PLCB4: variants seen among roughly 807,000 people sequenced by gnomAD.
The protein encoded by PLCB4 is 1-phosphatidylinositol 4,5-bisphosphate phosphodiesterase beta-4.
In PLCB4, 77 loss-of-function variants were observed where a neutral mutation model predicts 178.8. That is an observed-to-expected ratio of 0.43 (90% CI 0.36 to 0.52). The LOEUF (loss-of-function observed/expected upper bound fraction) is 0.52. Ranked by LOEUF, PLCB4 falls within the 20% of genes least tolerant of loss-of-function variation. PLCB4 has a pLI of 0.00. For synonymous variants in PLCB4, 496 were observed against 490.8 expected (o/e 1.01, Z -0.14); for missense variants, 1,024 against 1,453.4 (o/e 0.70, Z 4.80).
intron 2 of PLCB4, among the ~76,000 whole-genome samples, chr20:9,194,139 A>C (rs2093439477): frequency 6.6e-6 from 1 of 152,250 alleles, no homozygotes; most frequent in African/African-American, 2.4e-5. Context: ...AAATAATAGG[A>C]AGTGAAATAT....
chr20:9,072,036 T>C (rs1050459021), intron 1 of PLCB4, among the ~76,000 whole-genome samples: 3 of 152,256 alleles, frequency 2.0e-5, no homozygotes, highest in Non-Finnish European at 4.4e-5. Flanking sequence ...TATGTCCAGA[T>C]TGAAGTTTTT....
At chr20:9,340,993 A>G (rs955531429) in intron 7 of PLCB4, among the ~76,000 whole-genome samples, 7 of 152,140 alleles carry the variant, frequency 4.6e-5, no homozygotes, top group African/African-American at 1.7e-4. Context: ...GATGAGAAAA[A>G]TGAAGCTAGA....
intron 1 of PLCB4, among the ~76,000 whole-genome samples, chr20:9,095,410 G>C (rs1423334276): frequency 6.6e-6 from 1 of 152,128 alleles, no homozygotes; most frequent in Non-Finnish European, 1.5e-5. Flanking sequence ...TTAAATTACA[G>C]ACGGAACCAA....
rs563924941 is a variant in PLCB4 at position 9,149,478 on chromosome 20, T to C, written c.-79+53136T>C. 2.6e-5 allele frequency among the ~76,000 whole-genome samples: 4 copies of C among 152,332 alleles called. No individual in the cohort carries two copies. In the East Asian group the frequency reaches 7.7e-4, roughly 29 times the overall value. On this transcript the variant is annotated intron_variant, in intron 2 of 39. Coordinates refer to ENST00000378473, the MANE Select transcript of PLCB4 (RefSeq NM_001377142.1). ...GTTGACTTTGACTAATAACGATTTA[T>C]TGAATTTGCCTTCTCTTGCAACCCT...
intron 9 of PLCB4, among the ~76,000 whole-genome samples, 194 bp downstream of exon 9, chr20:9,365,708 T>G (rs2035718641): frequency 6.6e-6 from 1 of 152,244 alleles, no homozygotes; most frequent in Admixed American, 6.5e-5. Context: ...TGCATTTTTT[T>G]GGTCAAAATA....
chr20:9,160,752 T>C (rs770287621), intron 2 of PLCB4, among the ~76,000 whole-genome samples: 5 of 152,142 alleles, frequency 3.3e-5, no homozygotes, highest in Non-Finnish European at 7.4e-5. Flanking sequence ...TGCAAGGGCA[T>C]AGAAAAGGGA....
chr20:9,105,015 T>G (rs1187619362), intron 2 of PLCB4, among the ~76,000 whole-genome samples: 6 of 151,970 alleles, frequency 3.9e-5, no homozygotes, highest in Admixed American at 3.3e-4. Context: ...TCTGATATCT[T>G]GAGATATATG....
intron 2 of PLCB4, among the ~76,000 whole-genome samples, chr20:9,109,853 A>T (rs1400760885): frequency 1.3e-5 from 2 of 152,128 alleles, no homozygotes; most frequent in African/African-American, 4.8e-5. Context: ...TCTTCTGGAA[A>T]TTGTCATCTG....
At chr20:9,406,074 A>G (rs767565109) in intron 21 of PLCB4, among the ~76,000 whole-genome samples, 1 of 152,216 alleles carries the variant, frequency 6.6e-6, no homozygotes, top group Non-Finnish European at 1.5e-5. Context: ...CTCTTGTTCT[A>G]GAATTTCATA....
intron 39 of PLCB4, among the ~76,000 whole-genome samples, chr20:9,478,236 T>G (rs544059585): frequency 6.6e-6 from 1 of 152,098 alleles, no homozygotes; most frequent in Non-Finnish European, 1.5e-5. Flanking sequence ...TTAGTGACAA[T>G]CTGAACTCAT....
In PLCB4 at chr20:9,238,413, C is replaced by G. The variant is rs150856715; in HGVS notation, c.-16+20961C>G. On this transcript the variant is annotated intron_variant, in intron 3 of 39. Coordinates refer to ENST00000378473, the MANE Select transcript of PLCB4 (RefSeq NM_001377142.1). Reference sequence around the variant, plus strand: ...GAGGAGGAAGTGGAGTTGACCCCCCCCCGAGGGACACCTTATCCATATGTG... The same window carrying G: ...GAGGAGGAAGTGGAGTTGACCCCCCGCCGAGGGACACCTTATCCATATGTG... Among the ~76,000 whole-genome samples the G allele has an allele frequency of 2.3e-3, 357 of 152,266 alleles. 1 individual carries two copies. The highest frequency in any genetic ancestry group is 2.9e-3 in the Non-Finnish European group (196 of 68,024).
chr20:9,239,173 A>G (rs1459134257), intron 3 of PLCB4, among the ~76,000 whole-genome samples: 1 of 151,414 alleles, frequency 6.6e-6, no homozygotes, highest in Non-Finnish European at 1.5e-5. Context: ...GTCTGTCTTG[A>G]CTCCTTACCC....
At chr20:9,404,351 G>T (rs940410469) in intron 20 of PLCB4, among the ~76,000 whole-genome samples, 2 of 152,144 alleles carry the variant, frequency 1.3e-5, no homozygotes, top group Non-Finnish European at 2.9e-5. Flanking sequence ...CAAAGCCAAA[G>T]GAATATTGCC....
chr20:9,335,214 A>G (rs2032280130), intron 4 of PLCB4, among the ~76,000 whole-genome samples: 1 of 152,056 alleles, frequency 6.6e-6, no homozygotes, highest in Admixed American at 6.6e-5. Flanking sequence ...GATAATTCTC[A>G]TTTTTTTAGT....
At chr20:9,303,751 A>G (rs73609448) in intron 3 of PLCB4, among the ~76,000 whole-genome samples, 8,476 of 152,120 alleles carry the variant, frequency 0.056, 335 homozygotes, top group African/African-American at 0.11. Context: ...CTAAAATTCC[A>G]TTTTTAGTTT....
At chr20:9,271,990 C>A (rs2094407854) in intron 3 of PLCB4, among the ~76,000 whole-genome samples, 1 of 150,694 alleles carries the variant, frequency 6.6e-6, no homozygotes, top group African/African-American at 2.4e-5. Flanking sequence ...TCAGCCTGGG[C>A]AACACAGCAA....
chr20:9,301,458 A>G (rs551540987), intron 3 of PLCB4, among the ~76,000 whole-genome samples: 1 of 152,120 alleles, frequency 6.6e-6, no homozygotes, highest in East Asian at 2.0e-4. Context: ...CACTGACTCT[A>G]AAGTTGATCC....
At chr20:9,382,392 C>T (rs1019031345) in intron 13 of PLCB4, among the ~76,000 whole-genome samples, 7 of 152,170 alleles carry the variant, frequency 4.6e-5, no homozygotes, top group Non-Finnish European at 8.8e-5. Flanking sequence ...TGTTATTCCA[C>T]CCTTTGAAAC....
At chr20:9,363,696 G>A (rs2035535924) in intron 8 of PLCB4, among the ~76,000 whole-genome samples, 1 of 152,224 alleles carries the variant, frequency 6.6e-6, no homozygotes, top group Admixed American at 6.5e-5. Flanking sequence ...CAGCCAGTTT[G>A]AAAAGCAGTG....
Sources: allele counts gnomAD v4.1 joint callset (sites outside exome capture counted in the v4.1 genomes callset), GRCh38; gene constraint gnomAD v4.1.1; transcripts MANE v1.5; gene names NCBI Gene and HGNC (gene_info 2026-07-23, HGNC 2026-07-21).